The following MRTFA variants were observed in gnomAD, a reference collection of about 807,000 sequenced individuals.
MRTFA encodes myocardin-related transcription factor A.
In MRTFA, 20 loss-of-function variants were observed where a neutral mutation model predicts 83.5. That is an observed-to-expected ratio of 0.24 (90% CI 0.17 to 0.35). MRTFA has a LOEUF of 0.35. Among genes scored for constraint, MRTFA ranks in the 10% least tolerant of loss-of-function variants. The pLI, the probability that MRTFA is intolerant of heterozygous loss-of-function variation, is 1.00. For missense variants in MRTFA, 1,200 were observed against 1,224.7 expected (o/e 0.98, Z 0.30); for synonymous variants, 659 against 541.2 (o/e 1.22, Z -3.02).
intron 4 of MRTFA, among the ~76,000 whole-genome samples, chr22:40,460,348 A>G (rs1260794040): frequency 1.3e-5 from 2 of 152,238 alleles, no homozygotes; most frequent in Non-Finnish European, 2.9e-5. Context: ...AAAAGAAAGC[A>G]GGGCACTCAA....
chr22:40,559,783 A>G (rs1259919732), intron 2 of MRTFA, among the ~76,000 whole-genome samples: 1 of 152,250 alleles, frequency 6.6e-6, no homozygotes, highest in African/African-American at 2.4e-5. Context: ...AAGAAAGAAA[A>G]TAAGAATATC....
chr22:40,472,585 T>A (rs892626635), intron 3 of MRTFA, among the ~76,000 whole-genome samples: 1 of 152,242 alleles, frequency 6.6e-6, no homozygotes, highest in African/African-American at 2.4e-5. Flanking sequence ...AATTTTTTTC[T>A]CAAATTCCTT....
intron 3 of MRTFA, among the ~76,000 whole-genome samples, chr22:40,473,393 A>C (rs2053946312): frequency 6.6e-6 from 1 of 152,168 alleles, no homozygotes; most frequent in Non-Finnish European, 1.5e-5. Flanking sequence ...TCCTGGGCTC[A>C]GTTAATCCTC....
intron 3 of MRTFA, among the ~76,000 whole-genome samples, chr22:40,474,811 A>G (rs2053965619): frequency 6.6e-6 from 1 of 152,196 alleles, no homozygotes; most frequent in Non-Finnish European, 1.5e-5. Flanking sequence ...GATTGTTCCC[A>G]TAATTCAATT....
chr22:40,487,610 T>G (rs1221151603), intron 3 of MRTFA, among the ~76,000 whole-genome samples: 2 of 152,228 alleles, frequency 1.3e-5, no homozygotes, highest in Non-Finnish European at 2.9e-5. Flanking sequence ...GTTTCTCAGA[T>G]GTACCAAGTT....
intron 3 of MRTFA, among the ~76,000 whole-genome samples, chr22:40,465,783 T>C (rs1225009394): frequency 6.6e-6 from 1 of 152,110 alleles, no homozygotes; most frequent in African/African-American, 2.4e-5. Context: ...CAGGTTGGTC[T>C]TGAACTCCTG....
intron 3 of MRTFA, among the ~76,000 whole-genome samples, chr22:40,534,083 C>T (rs2055126981): frequency 6.6e-6 from 1 of 152,160 alleles, no homozygotes; most frequent in South Asian, 2.1e-4. Flanking sequence ...CCAAACAACT[C>T]AAGCTCATGA....
chr22:40,600,009 C>CAAAA (rs34183268), intron 1 of MRTFA, among the ~76,000 whole-genome samples: 2 of 121,596 alleles, frequency 1.6e-5, no homozygotes, highest in Middle Eastern at 4.5e-3. Flanking sequence ...TTTGACTTAT[C>CAAAA]AAAAAAAAAA....
intron 2 of MRTFA, among the ~76,000 whole-genome samples, chr22:40,576,575 C>T (rs1217486475): frequency 1.3e-5 from 2 of 152,064 alleles, no homozygotes; most frequent in Non-Finnish European, 2.9e-5. Flanking sequence ...TTAGATTACC[C>T]CTTTAGGAAG....
At chr22:40,471,836 C>T (rs893921749) in intron 3 of MRTFA, among the ~76,000 whole-genome samples, 3 of 152,118 alleles carry the variant, frequency 2.0e-5, no homozygotes, top group Non-Finnish European at 4.4e-5. Flanking sequence ...CACACCACTG[C>T]ACTCCAACCT....
intron 1 of MRTFA, among the ~76,000 whole-genome samples, chr22:40,624,925 CAG>C (rs1602509576): frequency 6.6e-6 from 1 of 152,282 alleles, no homozygotes; most frequent in Middle Eastern, 3.4e-3. Flanking sequence ...ATTCATGCTA[CAG>C]AGTGTCTGAT....
chr22:40,423,727 G>A, intron 8 of MRTFA, 42 bp from the exon 9 acceptor site: 1 of 1,489,020 alleles, frequency 6.7e-7, no homozygotes, highest in Non-Finnish European at 9.0e-7. Flanking sequence ...CCACCTCCAG[G>A]TAGGGTGTGC....
chr22:40,547,868 A>G (rs1174399495), intron 3 of MRTFA, among the ~76,000 whole-genome samples: 2 of 151,616 alleles, frequency 1.3e-5, no homozygotes, highest in African/African-American at 2.4e-5. Flanking sequence ...AAAAAAAAAA[A>G]AAAGAAAAAG....
chr22:40,443,275 C>CA (rs934336782), intron 4 of MRTFA, among the ~76,000 whole-genome samples: 1 of 151,574 alleles, frequency 6.6e-6, no homozygotes, highest in Non-Finnish European at 1.5e-5. Flanking sequence ...CAAAAACAAA[C>CA]AAAAAAAACT....
At chr22:40,500,683 C>T (rs1296426006) in intron 3 of MRTFA, among the ~76,000 whole-genome samples, 7 of 150,912 alleles carry the variant, frequency 4.6e-5, no homozygotes, top group Non-Finnish European at 8.9e-5. Context: ...GGACACAGCA[C>T]ATGTTTCAGA....
intron 3 of MRTFA, among the ~76,000 whole-genome samples, chr22:40,489,776 C>T (rs1431460404): frequency 6.6e-6 from 1 of 151,938 alleles, no homozygotes; most frequent in Non-Finnish European, 1.5e-5. Flanking sequence ...GTCAGGAGTT[C>T]GAGACCAGCC....
At chr22:40,417,749 C>T (rs749653785) in intron 12 of MRTFA, 13 of 422,522 alleles carry the variant, frequency 3.1e-5, no homozygotes, top group Non-Finnish European at 5.0e-5. Context: ...TGGTCACCCC[C>T]TGAGATTTCT....
chr22:40,480,473 T>C (rs2054069700), intron 3 of MRTFA, among the ~76,000 whole-genome samples: 1 of 151,998 alleles, frequency 6.6e-6, no homozygotes, highest in African/African-American at 2.4e-5. Flanking sequence ...CATGCTGATA[T>C]GGATGGAAAA....
chr22:40,630,933 T>G (rs1185739715), intron 1 of MRTFA, among the ~76,000 whole-genome samples: 1 of 152,212 alleles, frequency 6.6e-6, no homozygotes, highest in Non-Finnish European at 1.5e-5. Context: ...GTTCTCATTC[T>G]AGGTATTTTT....
Sources: gnomAD v4.1 joint callset for allele counts (sites outside exome capture counted in the v4.1 genomes callset) on GRCh38, gnomAD v4.1.1 for gene constraint, MANE v1.5 for transcripts, NCBI Gene and HGNC (gene_info 2026-07-23, HGNC 2026-07-21) for gene names.